The following ERGIC1 variants were observed in gnomAD, a reference collection of about 807,000 sequenced individuals.
ERGIC1 encodes the protein endoplasmic reticulum-golgi intermediate compartment 1.
In ERGIC1, 19 loss-of-function variants were observed where a neutral mutation model predicts 38.3. The observed-to-expected ratio is 0.50, with a 90% CI of 0.35 to 0.73. The LOEUF is 0.73. Ranked by LOEUF, ERGIC1 falls within the 30% of genes least tolerant of loss-of-function variation. ERGIC1 has a pLI of 0.01. For missense variants in ERGIC1, 294 were observed against 389.2 expected (o/e 0.76, Z 2.06); for synonymous variants, 124 against 157.6 (o/e 0.79, Z 1.60).
intron 2 of ERGIC1, among the ~76,000 whole-genome samples, chr5:172,893,135 G>A (rs1762609880): frequency 6.6e-6 from 1 of 152,114 alleles, no homozygotes; most frequent in South Asian, 2.1e-4. Flanking sequence ...TGACCTTCAT[G>A]AACACATCCT....
intron 9 of ERGIC1, chr5:172,936,191 G>T (rs1214173288): frequency 6.6e-6 from 1 of 152,230 alleles, no homozygotes; most frequent in Non-Finnish European, 1.5e-5. Flanking sequence ...CCTTGAGCTG[G>T]CCTGAGGAGT....
chr5:172,877,145 C>T (rs1030600144), intron 1 of ERGIC1, among the ~76,000 whole-genome samples: 1 of 151,946 alleles, frequency 6.6e-6, no homozygotes, highest in South Asian at 2.1e-4. Context: ...TGTTCTAAGT[C>T]CTTTGTATTT....
chr5:172,847,490 C>T (rs964696322), intron 1 of ERGIC1, among the ~76,000 whole-genome samples: 1 of 152,098 alleles, frequency 6.6e-6, no homozygotes, highest in Non-Finnish European at 1.5e-5. Context: ...GATTCCTAAA[C>T]AGCATGTGAT....
At chr5:172,939,971 A>G (rs1433488765) in intron 9 of ERGIC1, among the ~76,000 whole-genome samples, 1 of 152,194 alleles carries the variant, frequency 6.6e-6, no homozygotes, top group Non-Finnish European at 1.5e-5. Context: ...TCTCTTTTTA[A>G]AAATCAAACA....
At chr5:172,936,544 G>A (rs1337093679) in intron 9 of ERGIC1, 3 of 152,354 alleles carry the variant, frequency 2.0e-5, no homozygotes, top group African/African-American at 7.2e-5. Flanking sequence ...TACTGGAAGA[G>A]GAAAGAGTGG....
chr5:172,840,457 C>T (rs1761133407), intron 1 of ERGIC1, among the ~76,000 whole-genome samples: 1 of 152,148 alleles, frequency 6.6e-6, no homozygotes, highest in South Asian at 2.1e-4. Context: ...AATCAGTGAG[C>T]CTCAACCCTG....
chr5:172,950,855 G>A lies in ERGIC1; in HGVS notation c.*39G>A, dbSNP rs774084854. On this transcript the variant is annotated 3_prime_UTR_variant, in exon 10 of 10. Transcript: ENST00000393784. ...CTAATGGCCGAGGACCCTGGGCATCGCCAGCCTTGCCTCCAGTGCCCTGTC... is the reference window on the plus strand; with the variant it reads ...CTAATGGCCGAGGACCCTGGGCATCACCAGCCTTGCCTCCAGTGCCCTGTC... The A allele has an allele frequency of 1.1e-5, 17 of 1,549,770 alleles. No individual in the cohort carries two copies. The highest frequency in any genetic ancestry group is 2.3e-5 in the South Asian group (2 of 85,546).
At chr5:172,914,517 G>A (rs1419077426) in intron 4 of ERGIC1, 197 bp from the exon 5 acceptor site, 1 of 841,508 alleles carries the variant, frequency 1.2e-6, no homozygotes, top group Non-Finnish European at 1.9e-6. Context: ...ACTATGCACT[G>A]CCCCCCTCGC....
intron 1 of ERGIC1, among the ~76,000 whole-genome samples, chr5:172,856,895 G>A (rs1356363235): frequency 2.0e-5 from 3 of 152,166 alleles, no homozygotes; most frequent in Non-Finnish European, 2.9e-5. Flanking sequence ...TCTGCCTCAC[G>A]GTTGTGTGAA....
At chr5:172,897,842 AC>A (rs1762761267) in intron 3 of ERGIC1, 1 of 414,016 alleles carries the variant, frequency 2.4e-6, no homozygotes, top group African/African-American at 2.1e-5. Flanking sequence ...TCAGGCCCAC[AC>A]TTGGTGAGGA....
chr5:172,911,545 C>G (rs1389791947), intron 4 of ERGIC1, among the ~76,000 whole-genome samples: 1 of 152,130 alleles, frequency 6.6e-6, no homozygotes, highest in Non-Finnish European at 1.5e-5. Context: ...AGCATTCTGG[C>G]TTTTCTTTAA....
rs891247357 is a variant in ERGIC1 at position 172,834,440 on chromosome 5, G to C, written c.20+7G>C. On this transcript the variant is annotated splice_region_variant and intron_variant, in intron 1 of 9. Transcript: ENST00000393784. This position sits in a 1 kb window ranked among gnomAD's most constrained non-coding sequence, Gnocchi z 4.1. ...TGCCCTTTGACTTCAGGAGGTGAGT[G>C]TGGCGACCCCGGCCAGTCGGGAGTT... is the stretch of plus-strand genomic sequence containing the variant. 4 of 1,330,632 alleles carry C rather than the reference G, an allele frequency of 3.0e-6. No individual in the cohort carries two copies. Among genetic ancestry groups the C allele is most frequent in the African/African-American group, 1.5e-5 (1 of 65,544 alleles). 82.4% of individuals were successfully genotyped at this position (1,330,632 alleles called of 1,614,324 possible).
chr5:172,850,853 T>A (rs573553221), intron 1 of ERGIC1, among the ~76,000 whole-genome samples: 4 of 152,290 alleles, frequency 2.6e-5, no homozygotes, highest in East Asian at 3.9e-4. Context: ...CTCACATTTT[T>A]AAAAAATTGA....
At chr5:172,933,632 T>C (rs986574619) in intron 8 of ERGIC1, 3 of 98,540 alleles carry the variant, frequency 3.0e-5, no homozygotes, top group African/African-American at 1.0e-4. Context: ...TCACCCTAAA[T>C]TGATGTTCCC....
chr5:172,902,372 AGCCAGGCTGGGTAGAGG>A lies in ERGIC1; in HGVS notation c.155+5302_155+5318del, dbSNP rs761599639. Among the ~76,000 whole-genome samples, 5 of 152,092 alleles carry A rather than the reference AGCCAGGCTGGGTAGAGG, an allele frequency of 3.3e-5. No individual in the cohort carries two copies. The East Asian group carries it at 9.7e-4, about 29-fold the overall frequency. On this transcript the variant is annotated intron_variant, in intron 3 of 9. Transcript: ENST00000393784. ...TTGCCTGCCTTGAGCCTGGGTTGTG[AGCCAGGCTGGGTAGAGG>A]GCCCCAGGCATCCCATTAAGGAGCA...
chr5:172,869,503 C>G (rs952295511), intron 1 of ERGIC1, among the ~76,000 whole-genome samples: 2 of 152,180 alleles, frequency 1.3e-5, no homozygotes, highest in Non-Finnish European at 2.9e-5. Context: ...GACCCCTCGG[C>G]TGGGCTCAGG....
chr5:172,856,981 T>C (rs1251563220), intron 1 of ERGIC1, among the ~76,000 whole-genome samples: 1 of 152,164 alleles, frequency 6.6e-6, no homozygotes, highest in African/African-American at 2.4e-5. Flanking sequence ...AGCCAAGGGT[T>C]GGGGCCCCTG....
At chr5:172,878,407 G>A (rs1283313788) in intron 1 of ERGIC1, among the ~76,000 whole-genome samples, 1 of 152,116 alleles carries the variant, frequency 6.6e-6, no homozygotes, top group Non-Finnish European at 1.5e-5. Context: ...GCCAGTTCAA[G>A]TCCTGGCCCT....
chr5:172,885,633 G>A (rs751331957), intron 1 of ERGIC1, among the ~76,000 whole-genome samples: 1 of 152,124 alleles, frequency 6.6e-6, no homozygotes, highest in Non-Finnish European at 1.5e-5. Context: ...CCCAGCAAGG[G>A]CCAGGGATTT....
Sources: allele counts gnomAD v4.1 joint callset (sites outside exome capture counted in the v4.1 genomes callset), GRCh38; gene constraint gnomAD v4.1.1; non-coding constraint Gnocchi (gnomAD v3.1); transcripts MANE v1.5; gene names NCBI Gene and HGNC (gene_info 2026-07-23, HGNC 2026-07-21).